Variants in TLX2 observed in about 807,000 individuals in gnomAD.
TLX2 encodes T-cell leukemia homeobox protein 2.
TLX2 carries 15 observed loss-of-function variants against 21.7 expected under a neutral mutation model. The ratio of observed to expected loss-of-function variants is 0.69; its 90% CI spans 0.46 to 1.07. The LOEUF is 1.07. TLX2 is among the 50% of genes least tolerant of loss of function. The pLI is 0.00. For synonymous variants in TLX2, 213 were observed against 193.1 expected (o/e 1.10, Z -0.85); for missense variants, 384 against 409.1 (o/e 0.94, Z 0.53).
In TLX2 at chr2:74,514,764, C is replaced by T; in HGVS notation, c.-43C>T. ...CTTCTGGCGCTGCCTGAGGCATCCT[C>T]CCCAACCACCGAACCTCCGGCGGTT... On this transcript the variant is annotated 5_prime_UTR_variant, in exon 1 of 3. Transcript: ENST00000233638. The surrounding 1 kb of genome is among the most constrained non-coding windows in gnomAD (Gnocchi z 5.0). 1 of 1,610,068 alleles carries T rather than the reference C, an allele frequency of 6.2e-7. No individual in the cohort carries two copies. Among genetic ancestry groups the T allele is most frequent in the Non-Finnish European group, 8.5e-7 (1 of 1,178,726 alleles).
Position 74,516,574 on chromosome 2 carries a change from G to C in TLX2, c.*385G>C. Reference sequence around the variant, plus strand: ...AGCTGGGGCTCTGAGGGGCTCTAGCGGCGTTGCGCGCGGTGCCGGCTGGGT... The same window carrying C: ...AGCTGGGGCTCTGAGGGGCTCTAGCCGCGTTGCGCGCGGTGCCGGCTGGGT... On this transcript the variant is annotated 3_prime_UTR_variant, in exon 3 of 3. Transcript: ENST00000233638. 2 of 1,141,744 alleles carry C rather than the reference G, an allele frequency of 1.8e-6. No homozygotes were observed. The highest frequency in any genetic ancestry group is 2.2e-6 in the Non-Finnish European group (2 of 911,882). The allele number at this position is 1,141,744 out of a possible 1,614,324, so 70.7% of individuals were successfully genotyped here. A position where few individuals can be genotyped will look rare whatever the true frequency, so the allele number is the denominator to read the frequency against.
chr2:74,515,877 C>T lies in TLX2; in HGVS notation c.638+7C>T. The T allele has an allele frequency of 6.2e-7, 1 of 1,601,230 alleles. No homozygotes were observed. Among genetic ancestry groups the T allele is most frequent in the Non-Finnish European group, 8.5e-7 (1 of 1,172,564 alleles). The stretch of plus-strand genomic sequence containing the variant: ...ACCGACGCACCAAGTGGCGGTGAGG[C>T]GCGGCGCGGGCGAGGGCGGACTGGG... On this transcript the variant is annotated splice_region_variant and intron_variant, in intron 2 of 2. Transcript: ENST00000233638. This position sits in a 1 kb window ranked among gnomAD's most constrained non-coding sequence, Gnocchi z 6.6.
Position 74,514,546 on chromosome 2 carries a change from A to T in TLX2, c.-261A>T. ...GTCTATTTGCGCTTAAGAGCCAGCA[A>T]GGAAGCTCCAGGGGCCCCAGCTGGC... On this transcript the variant is annotated 5_prime_UTR_variant, in exon 1 of 3. In the 5' UTR this introduces an upstream ATG that the reference lacks. Transcript: ENST00000233638. This position sits in a 1 kb window ranked among gnomAD's most constrained non-coding sequence, Gnocchi z 5.0. 1 of 1,379,936 alleles carries T rather than the reference A, an allele frequency of 7.2e-7. No individual in the cohort carries two copies. Among genetic ancestry groups the T allele is most frequent in the Non-Finnish European group, 9.3e-7 (1 of 1,071,148 alleles). 85.5% of individuals were successfully genotyped at this position (1,379,936 alleles called of 1,614,324 possible).
At position 74,517,077 on chromosome 2, in the gene TLX2, A is replaced by C. The variant is rs1674904792; in HGVS notation, c.*888A>C. Reference sequence around the variant, plus strand: ...GTGGATGATGAAAGGGAAATTGGGAAGACTGGAGCAAAATTAACTGTATAG... The same window carrying C: ...GTGGATGATGAAAGGGAAATTGGGACGACTGGAGCAAAATTAACTGTATAG... On this transcript the variant is annotated 3_prime_UTR_variant, in exon 3 of 3. Transcript: ENST00000233638. 6.6e-6 allele frequency: 1 copy of C among 152,312 alleles called. No homozygotes were observed. The allele number at this position is 152,312 out of a possible 1,614,324, so 9.4% of individuals were successfully genotyped here.
Position 74,516,068 on chromosome 2 carries a change from C to T in TLX2, c.734C>T (p.Pro245Leu). 6.3e-7 allele frequency: 1 copy of T among 1,590,996 alleles called. No individual in the cohort carries two copies. Among genetic ancestry groups the T allele is most frequent in the Non-Finnish European group, 8.5e-7 (1 of 1,173,544 alleles). Residue 245 changes from proline (P) to leucine (L), a missense_variant, in exon 3 of 3, where the codon CCG (proline) becomes CTG (leucine). Physicochemically the swap from Pro to Leu is moderately conservative, Grantham distance 98. Coordinates refer to ENST00000233638, the MANE Select transcript of TLX2 (RefSeq NM_016170.5). Reference sequence around the variant, plus strand: ...GACGCGTTGCCACGGCCGCTGCGGCCGCCGCTGCCCCCGGACCCTCTCTGC... The same window carrying T: ...GACGCGTTGCCACGGCCGCTGCGGCTGCCGCTGCCCCCGGACCCTCTCTGC... ...QQDALPRPLR[P>L]PLPPDPLCLH...
In TLX2 at chr2:74,515,089, G is replaced by T; in HGVS notation, c.283G>T (p.Ala95Ser). 6.6e-7 allele frequency: 1 copy of T among 1,525,010 alleles called. No homozygotes were observed. Among genetic ancestry groups the T allele is most frequent in the South Asian group, 1.2e-5 (1 of 82,362 alleles). The allele number at this position is 1,525,010 out of a possible 1,614,324, so 94.5% of individuals were successfully genotyped here. Reference protein sequence around the residue: ...AHRPLPVPPPAGGAPAVPGPS... With the variant: ...AHRPLPVPPPSGGAPAVPGPS... ...CCGCCCGCTGCCTGTGCCGCCGCCC[G>T]CTGGGGGGGCGCCTGCAGTGCCTGG... Residue 95 changes from alanine (A) to serine (S), a missense_variant, in exon 1 of 3, where the codon GCT becomes TCT. Ala to Ser is a moderately conservative substitution (Grantham distance 99). Coordinates refer to ENST00000233638, the MANE Select transcript of TLX2 (RefSeq NM_016170.5). The surrounding 1 kb of genome is among the most constrained non-coding windows in gnomAD (Gnocchi z 6.6).
In TLX2 at chr2:74,515,896, G is replaced by A. The variant is rs1025503839; in HGVS notation, c.638+26G>A. ...GTGAGGCGCGGCGCGGGCGAGGGCG[G>A]ACTGGGGTTCCCGAGCAGGGCCTGG... On this transcript the variant is annotated intron_variant, in intron 2 of 2. Coordinates refer to ENST00000233638, the MANE Select transcript of TLX2 (RefSeq NM_016170.5). The surrounding 1 kb of genome is among the most constrained non-coding windows in gnomAD (Gnocchi z 6.6). 9 of 1,591,018 alleles carry A rather than the reference G, an allele frequency of 5.7e-6. No individual in the cohort carries two copies. The highest frequency in any genetic ancestry group is 6.9e-6 in the Non-Finnish European group (8 of 1,167,480).
At position 74,515,250 on chromosome 2, in the gene TLX2, C is replaced by T. The variant is rs1374376969; in HGVS notation, c.400+44C>T. 1 of 1,535,574 alleles carries T rather than the reference C, an allele frequency of 6.5e-7. No individual in the cohort carries two copies. The highest frequency in any genetic ancestry group is 1.4e-5 in the African/African-American group (1 of 73,008). ...TCCAGCGTCACGCCCGACTCTGACC[C>T]CGTCTCCTCATTTCTTAGCTTTCTG... is the stretch of plus-strand genomic sequence containing the variant. On this transcript the variant is annotated intron_variant, in intron 1 of 2. Coordinates refer to ENST00000233638, the MANE Select transcript of TLX2 (RefSeq NM_016170.5). This position sits in a 1 kb window ranked among gnomAD's most constrained non-coding sequence, Gnocchi z 6.6.
chr2:74,515,334 C>T lies in TLX2; in HGVS notation c.400+128C>T. 1 of 1,501,028 alleles carries T rather than the reference C, an allele frequency of 6.7e-7. No homozygotes were observed. Among genetic ancestry groups the T allele is most frequent in the Non-Finnish European group, 8.9e-7 (1 of 1,127,302 alleles). The allele number at this position is 1,501,028 out of a possible 1,614,324, so 93.0% of individuals were successfully genotyped here. ...TAGATCCTCCCAGGGGATCCTCCCC[C>T]AACTCAAATCTCTGGGTCCTGCCTC... On this transcript the variant is annotated intron_variant, in intron 1 of 2. Coordinates refer to ENST00000233638, the MANE Select transcript of TLX2 (RefSeq NM_016170.5). This position sits in a 1 kb window ranked among gnomAD's most constrained non-coding sequence, Gnocchi z 6.6.
At position 74,514,532 on chromosome 2, in the gene TLX2, C is replaced by A. The variant is rs1022983452; in HGVS notation, c.-275C>A. The A allele has an allele frequency of 1.2e-5, 16 of 1,349,466 alleles. No individual in the cohort carries two copies. Among genetic ancestry groups the A allele is most frequent in the Non-Finnish European group, 1.4e-5 (15 of 1,051,514 alleles). The allele number at this position is 1,349,466 out of a possible 1,614,324, so 83.6% of individuals were successfully genotyped here. A position where few individuals can be genotyped will look rare whatever the true frequency, so the allele number is the denominator to read the frequency against. On this transcript the variant is annotated 5_prime_UTR_variant, in exon 1 of 3. Coordinates refer to ENST00000233638, the MANE Select transcript of TLX2 (RefSeq NM_016170.5). This position sits in a 1 kb window ranked among gnomAD's most constrained non-coding sequence, Gnocchi z 5.0. The stretch of plus-strand genomic sequence containing the variant: ...GCCGGCAGCCCAGCGTCTATTTGCG[C>A]TTAAGAGCCAGCAAGGAAGCTCCAG...
At position 74,516,279 on chromosome 2, in the gene TLX2, C is replaced by T; in HGVS notation, c.*90C>T. On this transcript the variant is annotated 3_prime_UTR_variant, in exon 3 of 3. Transcript: ENST00000233638. ...TCCATGGTCTAGTGGCAGCCGGGCG[C>T]GTGAGGAGCGGCAGGCCTTGAGGCT... 6.5e-7 allele frequency: 1 copy of T among 1,532,708 alleles called. No homozygotes were observed. The highest frequency in any genetic ancestry group is 8.7e-7 in the Non-Finnish European group (1 of 1,144,554). 94.9% of individuals were successfully genotyped at this position (1,532,708 alleles called of 1,614,324 possible).
Position 74,515,199 on chromosome 2 carries a change from G to T in TLX2, c.393G>T (p.Arg131=). The change falls in exon 1 of 3, where the codon CGG becomes CGT. Residue 131 remains arginine (R), a synonymous_variant. Coordinates refer to ENST00000233638, the MANE Select transcript of TLX2 (RefSeq NM_016170.5). The surrounding 1 kb of genome is among the most constrained non-coding windows in gnomAD (Gnocchi z 6.6). The part of the protein sequence containing the change: ...MDSGRRFAKD[R]LTAALSPFSG... ...GCGGCCGCCGCTTTGCCAAGGACCG[G>T]CTCACGGGTGAGGTTGTCTGACCCC... 2 of 1,540,566 alleles carry T rather than the reference G, an allele frequency of 1.3e-6. No homozygotes were observed. Among genetic ancestry groups the T allele is most frequent in the African/African-American group, 1.4e-5 (1 of 73,558 alleles).
In TLX2 at chr2:74,516,408, C is replaced by T. The variant is rs140437302; in HGVS notation, c.*219C>T. 3.6e-4 allele frequency: 524 copies of T among 1,440,534 alleles called. 2 individuals carry two copies. The African/African-American group carries it at 6.8e-3, about 19-fold the overall frequency. 89.2% of individuals were successfully genotyped at this position (1,440,534 alleles called of 1,614,324 possible). A position where few individuals can be genotyped will look rare whatever the true frequency, so the allele number is the denominator to read the frequency against. Reference sequence around the variant, plus strand: ...TTCCCGCCATTTTTCACTTCACTGCCGTTACGCCCTCGCTGGAACCTGAGG... The same window carrying T: ...TTCCCGCCATTTTTCACTTCACTGCTGTTACGCCCTCGCTGGAACCTGAGG... On this transcript the variant is annotated 3_prime_UTR_variant, in exon 3 of 3. Transcript: ENST00000233638.
Position 74,516,014 on chromosome 2 carries a change from C to T in TLX2, c.680C>T (p.Ala227Val), listed in dbSNP as rs751847012. The change falls in exon 3 of 3, where the codon GCG becomes GTG. Residue 227 changes from alanine (A) to valine (V), a missense_variant. Ala to Val is a moderately conservative substitution (Grantham distance 64, BLOSUM62 0). Transcript: ENST00000233638. ...AEEREAERHRAGRLLLHLQQD... is the reference protein window; with the variant it reads ...AEEREAERHRVGRLLLHLQQD... Reference sequence around the variant, plus strand: ...GAGCGCGAGGCCGAGCGGCACCGCGCGGGCCGGCTGCTCCTGCATCTGCAG... The same window carrying T: ...GAGCGCGAGGCCGAGCGGCACCGCGTGGGCCGGCTGCTCCTGCATCTGCAG... 1 of 1,524,134 alleles carries T rather than the reference C, an allele frequency of 6.6e-7. No homozygotes were observed. Among genetic ancestry groups the T allele is most frequent in the Non-Finnish European group, 8.7e-7 (1 of 1,144,180 alleles). 94.4% of individuals were successfully genotyped at this position (1,524,134 alleles called of 1,614,324 possible). A position where few individuals can be genotyped will look rare whatever the true frequency, so the allele number is the denominator to read the frequency against.
In TLX2 at chr2:74,515,956, G is replaced by A; in HGVS notation, c.639-17G>A. The A allele has an allele frequency of 4.7e-6, 7 of 1,478,064 alleles. No individual in the cohort carries two copies. Among genetic ancestry groups the A allele is most frequent in the Non-Finnish European group, 2.7e-6 (3 of 1,122,762 alleles). The allele number at this position is 1,478,064 out of a possible 1,614,324, so 91.6% of individuals were successfully genotyped here. A position where few individuals can be genotyped will look rare whatever the true frequency, so the allele number is the denominator to read the frequency against. On this transcript the variant is annotated splice_polypyrimidine_tract_variant and intron_variant, in intron 2 of 2. Transcript: ENST00000233638. This position sits in a 1 kb window ranked among gnomAD's most constrained non-coding sequence, Gnocchi z 6.6. Reference sequence around the variant, plus strand: ...ACGCGGCGGGCGCCCCGCTGACCCCGCGTCTCCCTCCCTTAGGCGCCAGAC... The same window carrying A: ...ACGCGGCGGGCGCCCCGCTGACCCCACGTCTCCCTCCCTTAGGCGCCAGAC...
Position 74,515,529 on chromosome 2 carries a change from G to C in TLX2, c.401-104G>C. ...CGGCTGATGCTTAGGGCCCGGGTAA[G>C]GACAGGGCGCGGGAGTTCTGCGGCC... On this transcript the variant is annotated intron_variant, in intron 1 of 2. Coordinates refer to ENST00000233638, the MANE Select transcript of TLX2 (RefSeq NM_016170.5). The surrounding 1 kb of genome is among the most constrained non-coding windows in gnomAD (Gnocchi z 6.6). 1 of 1,254,868 alleles carries C rather than the reference G, an allele frequency of 8.0e-7. No individual in the cohort carries two copies. The allele number at this position is 1,254,868 out of a possible 1,614,324, so 77.7% of individuals were successfully genotyped here.
Position 74,515,973 on chromosome 2 carries a change from G to A in TLX2, c.639G>A (p.Arg213=). The A allele has an allele frequency of 6.8e-7, 1 of 1,466,540 alleles. No individual in the cohort carries two copies. Among genetic ancestry groups the A allele is most frequent in the Non-Finnish European group, 8.9e-7 (1 of 1,119,106 alleles). The allele number at this position is 1,466,540 out of a possible 1,614,324, so 90.8% of individuals were successfully genotyped here. ...TWFQNRRTKW[R]RQTAEEREAE... ...CTGACCCCGCGTCTCCCTCCCTTAG[G>A]CGCCAGACGGCGGAGGAGCGCGAGG... The change falls in exon 3 of 3, where the codon CGG becomes CGA. Residue 213 remains arginine (R), a splice_region_variant and synonymous_variant. Transcript: ENST00000233638. This position sits in a 1 kb window ranked among gnomAD's most constrained non-coding sequence, Gnocchi z 6.6.
rs979502658 is a variant in TLX2, at chr2:74,515,358, TC to T, written c.400+154del. 4 of 1,461,290 alleles carry T rather than the reference TC, an allele frequency of 2.7e-6. No homozygotes were observed. In the African/African-American group the frequency reaches 5.8e-5, roughly 21 times the overall value. The allele number at this position is 1,461,290 out of a possible 1,614,324, so 90.5% of individuals were successfully genotyped here. On this transcript the variant is annotated intron_variant, in intron 1 of 2. Coordinates refer to ENST00000233638, the MANE Select transcript of TLX2 (RefSeq NM_016170.5). The surrounding 1 kb of genome is among the most constrained non-coding windows in gnomAD (Gnocchi z 6.6). ...CCAACTCAAATCTCTGGGTCCTGCC[TC>T]CGAGAGGTGATGGGGAGGGAGCTGC...
At position 74,515,540 on chromosome 2, in the gene TLX2, G is replaced by C; in HGVS notation, c.401-93G>C. ...TAGGGCCCGGGTAAGGACAGGGCGCGGGAGTTCTGCGGCCTGGACAGCCGC... is the reference window on the plus strand; with the variant it reads ...TAGGGCCCGGGTAAGGACAGGGCGCCGGAGTTCTGCGGCCTGGACAGCCGC... On this transcript the variant is annotated intron_variant, in intron 1 of 2. Coordinates refer to ENST00000233638, the MANE Select transcript of TLX2 (RefSeq NM_016170.5). The surrounding 1 kb of genome is among the most constrained non-coding windows in gnomAD (Gnocchi z 6.6). 2 of 1,312,914 alleles carry C rather than the reference G, an allele frequency of 1.5e-6. No homozygotes were observed. Among genetic ancestry groups the C allele is most frequent in the Non-Finnish European group, 2.1e-6 (2 of 942,134 alleles). 81.3% of individuals were successfully genotyped at this position (1,312,914 alleles called of 1,614,324 possible). A position where few individuals can be genotyped will look rare whatever the true frequency, so the allele number is the denominator to read the frequency against.
Sources: allele counts gnomAD v4.1 joint callset, GRCh38; gene constraint gnomAD v4.1.1; non-coding constraint Gnocchi (gnomAD v3.1); transcripts MANE v1.5; gene names NCBI Gene and HGNC (gene_info 2026-07-23, HGNC 2026-07-21).